CPED1: variants seen among roughly 807,000 people sequenced by gnomAD.
The protein encoded by CPED1 is cadherin-like and PC-esterase domain-containing protein 1.
CPED1 carries 114 observed loss-of-function variants against 128.2 expected under a neutral mutation model. That is an observed-to-expected ratio of 0.89 (90% CI 0.76 to 1.04). The LOEUF (loss-of-function observed/expected upper bound fraction) is 1.04. Among genes scored for constraint, CPED1 ranks in the 50% least tolerant of loss-of-function variants. The pLI is 0.00. For missense variants in CPED1, 1,211 were observed against 1,207.1 expected (o/e 1.00, Z -0.05); for synonymous variants, 462 against 426.7 (o/e 1.08, Z -1.02).
intron 1 of CPED1, 150 bp from the exon 2 acceptor site, chr7:120,989,240 TC>T (rs1290969680): frequency 9.8e-6 from 2 of 204,714 alleles, no homozygotes; most frequent in African/African-American, 4.7e-5. Flanking sequence ...TTTTCTCTCT[TC>T]CTGCAAAGCT....
intron 4 of CPED1, among the ~76,000 whole-genome samples, chr7:121,049,317 G>T (rs1048425473): frequency 6.6e-6 from 1 of 152,218 alleles, no homozygotes; most frequent in Non-Finnish European, 1.5e-5. Flanking sequence ...TCCAATGAGA[G>T]CTGCAACCAA....
intron 5 of CPED1, 40 bp from the exon 6 acceptor site, chr7:121,097,659 C>A: frequency 6.2e-7 from 1 of 1,608,442 alleles, no homozygotes; most frequent in African/African-American, 1.3e-5. Context: ...CAGAAAGAAA[C>A]AATAAAATGA....
At chr7:120,992,958 G>A (rs1585004180) in intron 2 of CPED1, among the ~76,000 whole-genome samples, 1 of 152,208 alleles carries the variant, frequency 6.6e-6, no homozygotes, top group East Asian at 1.9e-4. Flanking sequence ...TATAATATAT[G>A]CCAACTTTCC....
In CPED1 at chr7:121,271,446, A is replaced by C. The variant is rs531397331; in HGVS notation, c.2868+16A>C. 9.3e-6 allele frequency: 15 copies of C among 1,607,632 alleles called. 1 individual carries two copies. In the South Asian group the frequency reaches 1.3e-4, roughly 14 times the overall value. On this transcript the variant is annotated intron_variant, in intron 22 of 22. Coordinates refer to ENST00000310396, the MANE Select transcript of CPED1 (RefSeq NM_024913.5). Reference sequence around the variant, plus strand: ...TTTCCATGAGGTATTTATGCTGGCTATCTGAGTTTTATAGCTTTTGATCTT... The same window carrying C: ...TTTCCATGAGGTATTTATGCTGGCTCTCTGAGTTTTATAGCTTTTGATCTT...
intron 7 of CPED1, among the ~76,000 whole-genome samples, chr7:121,101,227 G>T (rs1794842387): frequency 6.6e-6 from 1 of 150,846 alleles, no homozygotes; most frequent in African/African-American, 2.4e-5. Context: ...ATAATCACTT[G>T]TTCCCTTTTT....
intron 18 of CPED1, among the ~76,000 whole-genome samples, chr7:121,246,012 C>A (rs1406183771): frequency 6.6e-6 from 1 of 152,058 alleles, no homozygotes; most frequent in Admixed American, 6.5e-5. Flanking sequence ...CATTTTAAAC[C>A]ATCACCTTGG....
intron 12 of CPED1, among the ~76,000 whole-genome samples, chr7:121,132,251 A>G (rs993806132): frequency 2.0e-5 from 3 of 152,078 alleles, no homozygotes; most frequent in Admixed American, 2.0e-4. Flanking sequence ...TACAAAGCTA[A>G]TAGAAATAGA....
intron 5 of CPED1, among the ~76,000 whole-genome samples, chr7:121,089,554 T>A (rs1436344964): frequency 6.6e-6 from 1 of 152,224 alleles, no homozygotes; most frequent in African/African-American, 2.4e-5. Flanking sequence ...TTGACTTTCA[T>A]ATATATACAT....
chr7:121,035,832 TA>T (rs1285296481), intron 3 of CPED1, among the ~76,000 whole-genome samples: 1 of 112,402 alleles, frequency 8.9e-6, no homozygotes, highest in Non-Finnish European at 1.8e-5. Context: ...GACCCTGTCT[TA>T]AAAAAATAAT....
At chr7:121,154,545 T>C (rs185656191) in intron 16 of CPED1, among the ~76,000 whole-genome samples, 3 of 151,766 alleles carry the variant, frequency 2.0e-5, no homozygotes, top group Admixed American at 2.0e-4. Context: ...TTATTATTTA[T>C]TTATTTTATT....
rs547798236 is a variant in CPED1, at chr7:121,256,132, A to C, written c.2311-10095A>C. On this transcript the variant is annotated intron_variant, in intron 18 of 22. Coordinates refer to ENST00000310396, the MANE Select transcript of CPED1 (RefSeq NM_024913.5). ...TAAGCAAAAAAAAAAAACAAAACAA[A>C]AAAAAAAAACAAAGCTTATGCCAAA... 2.8e-3 allele frequency among the ~76,000 whole-genome samples: 408 copies of C among 148,042 alleles called. 21 individuals carry two copies. The highest frequency in any genetic ancestry group is 1.0e-2 in the African/African-American group (395 of 39,686).
At chr7:121,237,394 A>AG (rs751734744) in intron 17 of CPED1, among the ~76,000 whole-genome samples, 5 of 152,170 alleles carry the variant, frequency 3.3e-5, no homozygotes, top group Non-Finnish European at 5.9e-5. Flanking sequence ...AAAAAAAGTT[A>AG]GGGGGCATGA....
In CPED1 at chr7:121,194,048, A is replaced by ATTTTT. The variant is rs68159246; in HGVS notation, c.2056-42652_2056-42648dup. On this transcript the variant is annotated intron_variant, in intron 16 of 22. Coordinates refer to ENST00000310396, the MANE Select transcript of CPED1 (RefSeq NM_024913.5). ...TATATATATATATATATATATATAT[A>ATTTTT]TTTTTTTTTTTTTTTTTTGAGACAG... is the stretch of plus-strand genomic sequence containing the variant. 4.6e-3 allele frequency among the ~76,000 whole-genome samples: 218 copies of ATTTTT among 47,456 alleles called. 8 individuals carry two copies. The highest frequency in any genetic ancestry group is 6.2e-3 in the African/African-American group (76 of 12,184). 31.1% of individuals were successfully genotyped at this position (47,456 alleles called of 152,430 possible).
At chr7:121,020,622 G>A (rs1262941965) in intron 3 of CPED1, among the ~76,000 whole-genome samples, 2 of 151,648 alleles carry the variant, frequency 1.3e-5, no homozygotes, top group African/African-American at 4.8e-5. Context: ...AGGATTTGAA[G>A]GTTTACAATA....
chr7:121,204,167 A>G (rs1797466886), intron 16 of CPED1, among the ~76,000 whole-genome samples: 1 of 152,098 alleles, frequency 6.6e-6, no homozygotes, highest in African/African-American at 2.4e-5. Context: ...TTGTTCCAAA[A>G]TTGGAGAAGG....
intron 16 of CPED1, among the ~76,000 whole-genome samples, chr7:121,196,769 G>C (rs1357150403): frequency 6.6e-6 from 1 of 151,908 alleles, no homozygotes; most frequent in Non-Finnish European, 1.5e-5. Context: ...ACAGAGAATA[G>C]ATGAGACCGA....
chr7:121,049,066 C>T (rs1254353667), intron 4 of CPED1, among the ~76,000 whole-genome samples: 1 of 152,172 alleles, frequency 6.6e-6, no homozygotes, highest in African/African-American at 2.4e-5. Context: ...TGAATGGCTT[C>T]TCATCAACCC....
intron 18 of CPED1, among the ~76,000 whole-genome samples, chr7:121,259,813 G>T (rs1468034152): frequency 1.3e-5 from 2 of 151,886 alleles, no homozygotes; most frequent in Non-Finnish European, 1.5e-5. Context: ...AATTAAGAAA[G>T]GGAAATATAA....
intron 16 of CPED1, among the ~76,000 whole-genome samples, chr7:121,226,338 C>T (rs200688488): frequency 2.6e-5 from 4 of 152,008 alleles, no homozygotes; most frequent in African/African-American, 7.2e-5. Flanking sequence ...AGAAATCACC[C>T]GTTTTCTGCG....
Sources: allele counts gnomAD v4.1 joint callset (sites outside exome capture counted in the v4.1 genomes callset), GRCh38; gene constraint gnomAD v4.1.1; transcripts MANE v1.5; gene names NCBI Gene and HGNC (gene_info 2026-07-23, HGNC 2026-07-21).